The following RGS12 variants were observed in gnomAD, a reference collection of about 807,000 sequenced individuals.
RGS12 encodes regulator of G-protein signaling 12.
RGS12 carries 66 observed loss-of-function variants against 120.1 expected under a neutral mutation model. The ratio of observed to expected loss-of-function variants is 0.55; its 90% confidence interval spans 0.45 to 0.67. The LOEUF (loss-of-function observed/expected upper bound fraction) is 0.67. RGS12 is among the 30% of genes least tolerant of loss of function. The pLI, the probability that RGS12 is intolerant of heterozygous loss-of-function variation, is 0.00. For missense variants in RGS12, 1,859 were observed against 1,957.7 expected (o/e 0.95, Z 0.95); for synonymous variants, 827 against 804.7 (o/e 1.03, Z -0.47).
intron 4 of RGS12, among the ~76,000 whole-genome samples, chr4:3,396,247 T>G (rs1316972260): frequency 6.6e-6 from 1 of 152,236 alleles, no homozygotes; most frequent in Non-Finnish European, 1.5e-5. Context: ...GTTAAGCCTT[T>G]CTATACCTTA....
chr4:3,425,301 C>G (rs1723491201), intron 13 of RGS12, 163 bp from the exon 14 acceptor site: 2 of 682,172 alleles, frequency 2.9e-6, no homozygotes, highest in African/African-American at 1.8e-5. Flanking sequence ...GAGCATGGCT[C>G]AGCCCCAGCT....
At chr4:3,332,636 C>T (rs1711990175) in intron 2 of RGS12, among the ~76,000 whole-genome samples, 1 of 152,226 alleles carries the variant, frequency 6.6e-6, no homozygotes, top group South Asian at 2.1e-4. Context: ...GGCGCCTACT[C>T]AAACCTTTTG....
intron 2 of RGS12, among the ~76,000 whole-genome samples, chr4:3,322,687 T>C (rs1725280059): frequency 6.6e-6 from 1 of 152,172 alleles, no homozygotes; most frequent in Admixed American, 6.5e-5. Flanking sequence ...AATGAAAATA[T>C]GTTATTTGTG....
chr4:3,306,778 G>T (rs1014053179), intron 1 of RGS12, among the ~76,000 whole-genome samples: 2 of 152,128 alleles, frequency 1.3e-5, no homozygotes, highest in African/African-American at 4.8e-5. Context: ...ATGTCCTGGG[G>T]GACGCTGGTG....
chr4:3,349,351 A>T (rs2108798281), intron 3 of RGS12, among the ~76,000 whole-genome samples: 1 of 152,278 alleles, frequency 6.6e-6, no homozygotes, highest in African/African-American at 2.4e-5. Flanking sequence ...TTTAGGACAA[A>T]AATTTACCAC....
rs1459648525 is a variant in RGS12 at position 3,321,603 on chromosome 4, A to T, written c.1881+3552A>T. Among the ~76,000 whole-genome samples, 4 of 152,196 alleles carry T rather than the reference A, an allele frequency of 2.6e-5. No individual in the cohort carries two copies. In the East Asian group the frequency reaches 7.7e-4, roughly 29 times the overall value. ...ACCCTTCTTCAGCACCCCCAAGGGCATCTCACTCCCAGCTTCTGCTTTTGA... is the reference window on the plus strand; with the variant it reads ...ACCCTTCTTCAGCACCCCCAAGGGCTTCTCACTCCCAGCTTCTGCTTTTGA... On this transcript the variant is annotated intron_variant, in intron 2 of 17. Coordinates refer to ENST00000336727, the MANE Select transcript of RGS12 (RefSeq NM_001394154.1).
At chr4:3,320,422 G>A (rs907982433) in intron 2 of RGS12, among the ~76,000 whole-genome samples, 5 of 152,156 alleles carry the variant, frequency 3.3e-5, no homozygotes, top group East Asian at 1.9e-4. Flanking sequence ...ACGGTGTGGC[G>A]GTCACTGCTT....
At chr4:3,373,755 G>T (rs1717314377) in intron 3 of RGS12, among the ~76,000 whole-genome samples, 1 of 152,200 alleles carries the variant, frequency 6.6e-6, no homozygotes, top group African/African-American at 2.4e-5. Context: ...TGGTGCAGGA[G>T]GGCCTGGAGT....
At position 3,439,710 on chromosome 4, in the gene RGS12, T is replaced by C; in HGVS notation, c.*26T>C. The C allele has an allele frequency of 6.8e-7, 1 of 1,464,088 alleles. No homozygotes were observed. The highest frequency in any genetic ancestry group is 1.4e-5 in the South Asian group (1 of 69,984). The allele number at this position is 1,464,088 out of a possible 1,614,324, so 90.7% of individuals were successfully genotyped here. On this transcript the variant is annotated 3_prime_UTR_variant, in exon 18 of 18. Coordinates refer to ENST00000336727, the MANE Select transcript of RGS12 (RefSeq NM_001394154.1). ...GCTGCCCTGGCCTGGCCAACTCTCCTGTGGACATGTCGGGGTGGGGCAGCC... is the reference window on the plus strand; with the variant it reads ...GCTGCCCTGGCCTGGCCAACTCTCCCGTGGACATGTCGGGGTGGGGCAGCC...
rs924903876 is a variant in RGS12, at chr4:3,366,995, C to T, written c.1999-19421C>T. Among the ~76,000 whole-genome samples the T allele has an allele frequency of 1.3e-5, 2 of 152,234 alleles. No individual in the cohort carries two copies. Among genetic ancestry groups the T allele is most frequent in the African/African-American group, 4.8e-5 (2 of 41,460 alleles). ...CCCAGAATGCCCTCTGCCCCGCCAC[C>T]CCCATCATCCCTGCTGCCCTGGCTG... On this transcript the variant is annotated intron_variant, in intron 3 of 17. Transcript: ENST00000336727. The surrounding 1 kb of genome is among the most constrained non-coding windows in gnomAD (Gnocchi z 4.0).
intron 1 of RGS12, among the ~76,000 whole-genome samples, chr4:3,296,628 C>T (rs868706402): frequency 6.6e-6 from 1 of 152,188 alleles, no homozygotes; most frequent in African/African-American, 2.4e-5. Context: ...CTTTGGGGAT[C>T]GCTATTCAGC....
Position 3,318,043 on chromosome 4 carries a change from G to A in RGS12, c.1873G>A (p.Asp625Asn), listed in dbSNP as rs372643239. The A allele has an allele frequency of 6.3e-7, 1 of 1,575,736 alleles. No individual in the cohort carries two copies. The highest frequency in any genetic ancestry group is 8.7e-7 in the Non-Finnish European group (1 of 1,155,738). The stretch of plus-strand genomic sequence containing the variant: ...TCGAAATGTTCGAAAGACTAAGGAA[G>A]ATAAAAAGGTAAGCCTGCCAGGAGC... ...PHRNVRKTKE[D>N]KKGSKFGRGT... Residue 625 changes from aspartate to asparagine, a missense_variant, in exon 2 of 18, where the codon GAT becomes AAT. This residue lies in a region of RGS12 where 967 missense variants were observed against 994.2 expected (regional missense o/e 0.97). Transcript: ENST00000336727.
At chr4:3,319,748 AGCCTCCTTAG>A (rs1725055839) in intron 2 of RGS12, among the ~76,000 whole-genome samples, 1 of 152,214 alleles carries the variant, frequency 6.6e-6, no homozygotes, top group Non-Finnish European at 1.5e-5. Flanking sequence ...GCCTGGCCTC[AGCCTCCTTAG>A]AGGAGTCGTT....
At chr4:3,356,035 A>C (rs1714856729) in intron 3 of RGS12, among the ~76,000 whole-genome samples, 1 of 149,284 alleles carries the variant, frequency 6.7e-6, no homozygotes, top group Admixed American at 6.7e-5. Flanking sequence ...TAAAGGGCAG[A>C]GATTATCTTT....
intron 1 of RGS12, among the ~76,000 whole-genome samples, chr4:3,307,740 G>A (rs1412442023): frequency 6.6e-6 from 1 of 152,220 alleles, no homozygotes; most frequent in Non-Finnish European, 1.5e-5. Flanking sequence ...ACTGTGAAGT[G>A]TGTGGACAGA....
rs1442765264 is a variant in RGS12, at chr4:3,372,222, G to A, written c.1999-14194G>A. Among the ~76,000 whole-genome samples, 1 of 152,212 alleles carries A rather than the reference G, an allele frequency of 6.6e-6. No homozygotes were observed. Among genetic ancestry groups the A allele is most frequent in the African/African-American group, 2.4e-5 (1 of 41,546 alleles). On this transcript the variant is annotated intron_variant, in intron 3 of 17. Coordinates refer to ENST00000336727, the MANE Select transcript of RGS12 (RefSeq NM_001394154.1). This position sits in a 1 kb window ranked among gnomAD's most constrained non-coding sequence, Gnocchi z 4.3. ...TGGTCTGTCTGCGCACCCCTCCCAG[G>A]GTGCCCTGCTGTGGGGTGGCCGCTC...
intron 10 of RGS12, among the ~76,000 whole-genome samples, chr4:3,421,117 C>T (rs959915967): frequency 2.0e-5 from 3 of 152,234 alleles, no homozygotes; most frequent in African/African-American, 7.2e-5. Context: ...CCCACTCCCA[C>T]ACTGCAGGAT....
rs1717091673 is a variant in RGS12 at position 3,372,263 on chromosome 4, C to G, written c.1999-14153C>G. On this transcript the variant is annotated intron_variant, in intron 3 of 17. Transcript: ENST00000336727. This position sits in a 1 kb window ranked among gnomAD's most constrained non-coding sequence, Gnocchi z 4.3. The stretch of plus-strand genomic sequence containing the variant: ...GTGGCCGCTCTGGGCTGGGGGGCTG[C>G]TGCAGCCCTGGGCAGCCCAGCTTGA... Among the ~76,000 whole-genome samples the G allele has an allele frequency of 6.6e-6, 1 of 152,056 alleles. No individual in the cohort carries two copies. The highest frequency in any genetic ancestry group is 2.1e-4 in the South Asian group (1 of 4,828).
chr4:3,406,576 C>T (rs563550372), intron 4 of RGS12, among the ~76,000 whole-genome samples: 5 of 152,330 alleles, frequency 3.3e-5, no homozygotes, highest in African/African-American at 1.2e-4. Flanking sequence ...TGTCGGGGGC[C>T]GCTTCTGTCC....
Sources: allele counts gnomAD v4.1 joint callset (sites outside exome capture counted in the v4.1 genomes callset), GRCh38; gene constraint gnomAD v4.1.1; regional missense constraint gnomAD v4.1.1; non-coding constraint Gnocchi (gnomAD v3.1); transcripts MANE v1.5; gene names NCBI Gene and HGNC (gene_info 2026-07-23, HGNC 2026-07-21).